ST8SIA6: variants seen among roughly 807,000 people sequenced by gnomAD.
ST8SIA6 encodes the protein alpha-2,8-sialyltransferase 8F.
Under a neutral mutation model 33.6 loss-of-function variants are expected in ST8SIA6, and 39 were observed. The observed-to-expected ratio is 1.16, with a 90% confidence interval of 0.90 to 1.52. ST8SIA6 has a LOEUF of 1.52. ST8SIA6 is among the 40% of genes most tolerant of loss of function. The probability of loss-of-function intolerance (pLI) is 0.00; values close to 1 mark genes in which losing one functional copy is unlikely to be tolerated. For missense variants in ST8SIA6, 441 were observed against 443.8 expected, an observed-to-expected ratio of 0.99 and a Z score of 0.06; for synonymous variants, 172 against 167.2, an observed-to-expected ratio of 1.03 and a Z score of -0.22.
chr10:17,407,974 A>T (rs1851328923), intron 2 of ST8SIA6: 1 of 152,670 alleles, frequency 6.6e-6, no homozygotes, highest in Non-Finnish European at 1.5e-5. Flanking sequence ...TCAGATAAAA[A>T]TCATAATAAA....
At chr10:17,418,666 T>C (rs1851675064) in intron 2 of ST8SIA6, among the ~76,000 whole-genome samples, 1 of 152,202 alleles carries the variant, frequency 6.6e-6, no homozygotes, top group African/African-American at 2.4e-5. Flanking sequence ...CCTCCAATTG[T>C]TATCATTTTC....
At position 17,321,311 on chromosome 10, in the gene ST8SIA6, A is replaced by G. The variant is rs764516708; in HGVS notation, c.764T>C (p.Leu255Pro). The G allele has an allele frequency of 5.0e-6, 8 of 1,607,848 alleles. No homozygotes were observed. Among genetic ancestry groups the G allele is most frequent in the Admixed American group, 1.7e-5 (1 of 58,458 alleles). The change falls in exon 8 of 8, where the codon CTG (leucine) becomes CCG (proline). Residue 255 changes from leucine to proline, a missense_variant. Transcript: ENST00000377602. ...ATCTCCATAGGTTGCAATGTCCTCC[A>G]GAAATAGGGCTTTTTTTTCCTTTAA... Reference protein sequence around the residue: ...GNLKEKKALFLEDIATYGDAF... With the variant: ...GNLKEKKALFPEDIATYGDAF...
intron 3 of ST8SIA6, among the ~76,000 whole-genome samples, chr10:17,363,518 G>T (rs1023043): frequency 0.37 from 56,173 of 152,036 alleles, 10,616 homozygotes; most frequent in East Asian, 0.6. Flanking sequence ...TGGCTGACTC[G>T]TGGACTTGAG....
intron 2 of ST8SIA6, 146 bp from the exon 3 acceptor site, chr10:17,390,766 A>G: frequency 1.7e-6 from 1 of 599,442 alleles, no homozygotes; most frequent in South Asian, 3.0e-5. Flanking sequence ...ATGGAAAAGG[A>G]AATTAATATT....
chr10:17,369,641 T>C (rs367683761), intron 3 of ST8SIA6, among the ~76,000 whole-genome samples: 6 of 152,250 alleles, frequency 3.9e-5, no homozygotes, highest in South Asian at 2.1e-4. Context: ...CTATCCACTA[T>C]TGAAAGTGGA....
At chr10:17,368,050 C>G (rs1849609616) in intron 3 of ST8SIA6, among the ~76,000 whole-genome samples, 1 of 151,836 alleles carries the variant, frequency 6.6e-6, no homozygotes, top group Non-Finnish European at 1.5e-5. Flanking sequence ...TGCGCATTTG[C>G]TATGCATGAG....
rs1032366082 is a variant in ST8SIA6 at position 17,320,132 on chromosome 10, G to C, written c.*746C>G. On this transcript the variant is annotated 3_prime_UTR_variant, in exon 8 of 8. Transcript: ENST00000377602. ...AGTGACCCCACAGGCAAGACAACAG[G>C]TAAGAAAGACTGGGTATTGTAACTG... The C allele has an allele frequency of 6.6e-6, 1 of 152,102 alleles. No individual in the cohort carries two copies. The highest frequency in any genetic ancestry group is 2.4e-5 in the African/African-American group (1 of 41,416). The allele number at this position is 152,102 out of a possible 1,614,324, so 9.4% of individuals were successfully genotyped here. A position where few individuals can be genotyped will look rare whatever the true frequency, so the allele number is the denominator to read the frequency against.
At chr10:17,347,726 G>A (rs151009840) in intron 4 of ST8SIA6, among the ~76,000 whole-genome samples, 1 of 152,032 alleles carries the variant, frequency 6.6e-6, no homozygotes, top group Non-Finnish European at 1.5e-5. Context: ...ACGAGGTCAC[G>A]AGATCGAGAC....
intron 2 of ST8SIA6, among the ~76,000 whole-genome samples, chr10:17,408,470 G>C (rs899616160): frequency 6.6e-6 from 1 of 152,022 alleles, no homozygotes; most frequent in Non-Finnish European, 1.5e-5. Context: ...TTCAGGATCA[G>C]CCTGGCCAAC....
At position 17,315,618 on chromosome 10, in the gene ST8SIA6, A is replaced by G. The variant is rs1847746586; in HGVS notation, c.*5260T>C. Reference sequence around the variant, plus strand: ...TTATGTCGAGCAAAAGTGCAAGACAAGAAATGAGTACAGACAGTAAGATTC... The same window carrying G: ...TTATGTCGAGCAAAAGTGCAAGACAGGAAATGAGTACAGACAGTAAGATTC... On this transcript the variant is annotated 3_prime_UTR_variant, in exon 8 of 8. Transcript: ENST00000377602. Among the ~76,000 whole-genome samples the G allele has an allele frequency of 6.6e-6, 1 of 152,060 alleles. No individual in the cohort carries two copies. The highest frequency in any genetic ancestry group is 2.4e-5 in the African/African-American group (1 of 41,460).
At chr10:17,344,748 A>G (rs1848777296) in intron 4 of ST8SIA6, among the ~76,000 whole-genome samples, 1 of 152,154 alleles carries the variant, frequency 6.6e-6, no homozygotes, top group African/African-American at 2.4e-5. Flanking sequence ...ACAGTGTCCA[A>G]ATCCCTCCCT....
intron 2 of ST8SIA6, among the ~76,000 whole-genome samples, chr10:17,415,408 A>G (rs1309226957): frequency 1.3e-5 from 2 of 152,138 alleles, no homozygotes; most frequent in Non-Finnish European, 2.9e-5. Context: ...ACTGAAGCCT[A>G]TCCCAGGAAA....
At chr10:17,437,621 C>CCTTT (rs1470535274) in intron 2 of ST8SIA6, among the ~76,000 whole-genome samples, 2 of 109,502 alleles carry the variant, frequency 1.8e-5, no homozygotes, top group Admixed American at 9.0e-5. Flanking sequence ...TTCCTTCCTT[C>CCTTT]CTTCCTTCCT....
chr10:17,445,380 T>C (rs74969862), intron 2 of ST8SIA6, among the ~76,000 whole-genome samples: 8,317 of 152,250 alleles, frequency 0.055, 273 homozygotes, highest in African/African-American at 0.1. Context: ...CAGAAATTTA[T>C]CTGGCTTGGG....
In ST8SIA6 at chr10:17,331,570, G is replaced by A. The variant is rs11817897; in HGVS notation, c.378-18C>T. ...GTTTGGCTCTGCAAAGGAAAAGGAT[G>A]AAAAGGAAGCCAAAGTATAAGATTA... On this transcript the variant is annotated intron_variant, in intron 4 of 7. Transcript: ENST00000377602. 2,853 of 1,591,148 alleles carry A rather than the reference G, an allele frequency of 1.8e-3. 50 individuals carry two copies. In the African/African-American group the frequency reaches 0.035, roughly 19 times the overall value.
In ST8SIA6 at chr10:17,452,986, A is replaced by G. The variant is rs1852970665; in HGVS notation, c.200+573T>C. Among the ~76,000 whole-genome samples the G allele has an allele frequency of 3.9e-5, 6 of 152,148 alleles. No homozygotes were observed. In the South Asian group the frequency reaches 1.2e-3, roughly 32 times the overall value. ...CTGAATGAATAACATTTTCTTTTAT[A>G]CAGTTCTATTTTCTAACTTTCTGCA... On this transcript the variant is annotated intron_variant, in intron 2 of 7. Transcript: ENST00000377602.
intron 7 of ST8SIA6, among the ~76,000 whole-genome samples, chr10:17,322,262 A>AG (rs1847985307): frequency 6.6e-6 from 1 of 150,984 alleles, no homozygotes; most frequent in African/African-American, 2.4e-5. Flanking sequence ...GGAAAAAGAG[A>AG]GAAAGAAAAG....
chr10:17,348,292 C>A (rs1848917573), intron 4 of ST8SIA6, among the ~76,000 whole-genome samples: 1 of 143,088 alleles, frequency 7.0e-6, no homozygotes, highest in African/African-American at 2.6e-5. Context: ...CCTATGAAAA[C>A]AGTTTTGTAA....
At chr10:17,396,033 C>A (rs1042425679) in intron 2 of ST8SIA6, among the ~76,000 whole-genome samples, 13 of 152,164 alleles carry the variant, frequency 8.5e-5, no homozygotes, top group African/African-American at 2.4e-4. Flanking sequence ...GCTCTGTAGT[C>A]GGGTTAGCAT....
Sources: allele counts gnomAD v4.1 joint callset (sites outside exome capture counted in the v4.1 genomes callset), GRCh38; gene constraint gnomAD v4.1.1; transcripts MANE v1.5; gene names NCBI Gene and HGNC (gene_info 2026-07-23, HGNC 2026-07-21).